PPP3CA: variants seen among roughly 807,000 people sequenced by gnomAD.
PPP3CA encodes the protein protein phosphatase 3 catalytic subunit alpha.
A neutral mutation model predicts 66.5 loss-of-function variants in PPP3CA; 14 were observed. The observed-to-expected ratio is 0.21, with a 90% CI of 0.14 to 0.33. The LOEUF is 0.33. PPP3CA is among the 10% of genes least tolerant of loss of function. The pLI is 1.00. For synonymous variants in PPP3CA, 232 were observed against 226.2 expected (o/e 1.03, Z -0.23); for missense variants, 317 against 639.5 (o/e 0.50, Z 5.44).
chr4:101,250,954 GA>G (rs1560681097), intron 1 of PPP3CA, among the ~76,000 whole-genome samples: 1 of 151,738 alleles, frequency 6.6e-6, no homozygotes, highest in Admixed American at 6.6e-5. Flanking sequence ...ACAAAGGAAA[GA>G]AAAAAAGAAA....
At chr4:101,260,233 C>A (rs967516985) in intron 1 of PPP3CA, among the ~76,000 whole-genome samples, 5 of 152,036 alleles carry the variant, frequency 3.3e-5, no homozygotes, top group African/African-American at 1.2e-4. Flanking sequence ...TAAATCTTAC[C>A]TTAGATTTTC....
intron 11 of PPP3CA, among the ~76,000 whole-genome samples, chr4:101,039,415 C>T (rs1727404241): frequency 6.9e-6 from 1 of 144,850 alleles, no homozygotes; most frequent in South Asian, 2.3e-4. Context: ...AATGAATAAG[C>T]CCTGAAAATG....
intron 2 of PPP3CA, among the ~76,000 whole-genome samples, chr4:101,134,936 G>A (rs565458124): frequency 6.6e-6 from 1 of 152,206 alleles, no homozygotes; most frequent in East Asian, 1.9e-4. Context: ...GGATGAAGCT[G>A]GAAACCATCA....
intron 2 of PPP3CA, among the ~76,000 whole-genome samples, chr4:101,113,765 G>C (rs775765821): frequency 6.6e-5 from 10 of 152,190 alleles, no homozygotes; most frequent in South Asian, 6.2e-4. Context: ...AGGCTTGCCT[G>C]GCTATAATAT....
chr4:101,286,891 A>G (rs554778318), intron 1 of PPP3CA, among the ~76,000 whole-genome samples: 1 of 152,306 alleles, frequency 6.6e-6, no homozygotes, highest in Admixed American at 6.5e-5. Flanking sequence ...GCCTCTCACA[A>G]GAAAGTACAT....
At chr4:101,186,090 A>G (rs865919527) in intron 2 of PPP3CA, among the ~76,000 whole-genome samples, 1 of 152,162 alleles carries the variant, frequency 6.6e-6, no homozygotes, top group African/African-American at 2.4e-5. Context: ...TTTAACTTAC[A>G]ATTTCTTCAT....
chr4:101,025,820 C>CCAAA lies in PPP3CA; in HGVS notation c.*44_*45insTTTG. On this transcript the variant is annotated 3_prime_UTR_variant, in exon 14 of 14. Coordinates refer to ENST00000394854, the MANE Select transcript of PPP3CA (RefSeq NM_000944.5). The stretch of plus-strand genomic sequence containing the variant: ...GCAATCCCCATCATGCCCCGCAGCT[C>CCAAA]AAAAAAAAAAAAAAAAAAAAAAAAA... 2 of 478,992 alleles carry CCAAA rather than the reference C, an allele frequency of 4.2e-6. No homozygotes were observed. The highest frequency in any genetic ancestry group is 5.6e-5 in the South Asian group (2 of 35,478). 29.7% of individuals were successfully genotyped at this position (478,992 alleles called of 1,614,324 possible).
At chr4:101,150,971 C>A (rs1480883161) in intron 2 of PPP3CA, among the ~76,000 whole-genome samples, 1 of 152,064 alleles carries the variant, frequency 6.6e-6, no homozygotes, top group East Asian at 1.9e-4. Flanking sequence ...TACATGTAAT[C>A]CACAAAGGTC....
chr4:101,325,954 C>T (rs1392896095), intron 1 of PPP3CA, among the ~76,000 whole-genome samples: 3 of 152,152 alleles, frequency 2.0e-5, no homozygotes, highest in African/African-American at 7.2e-5. Context: ...GCCTGACCAA[C>T]ATGGCAAAAC....
In PPP3CA at chr4:101,122,938, A is replaced by G. The variant is rs554007826; in HGVS notation, c.260-13860T>C. On this transcript the variant is annotated intron_variant, in intron 2 of 13. Transcript: ENST00000394854. ...CAAGACAATGAGGTCTGGTATTATG[A>G]TGGTGGCAGTGTGAAAAGATAAAAG... Among the ~76,000 whole-genome samples the G allele has an allele frequency of 2.6e-5, 4 of 152,314 alleles. No individual in the cohort carries two copies. The South Asian group carries it at 8.3e-4, about 32-fold the overall frequency.
intron 1 of PPP3CA, among the ~76,000 whole-genome samples, chr4:101,204,791 T>A (rs918842386): frequency 6.6e-6 from 1 of 151,832 alleles, no homozygotes; most frequent in South Asian, 2.1e-4. Context: ...TAGATTAAAC[T>A]TAGAATTATA....
intron 1 of PPP3CA, among the ~76,000 whole-genome samples, chr4:101,316,992 T>A (rs989015883): frequency 1.3e-5 from 2 of 152,158 alleles, no homozygotes; most frequent in South Asian, 4.1e-4. Flanking sequence ...TCATTTCACA[T>A]ACACAGAGTA....
At chr4:101,090,038 TA>T (rs1277891980) in intron 6 of PPP3CA, among the ~76,000 whole-genome samples, 1 of 152,182 alleles carries the variant, frequency 6.6e-6, no homozygotes, top group East Asian at 1.9e-4. Flanking sequence ...TGGATCAAAA[TA>T]CCTGCCAATA....
Position 101,041,347 on chromosome 4 carries a change from A to C in PPP3CA, c.1157-781T>G, listed in dbSNP as rs77256255. On this transcript the variant is annotated intron_variant, in intron 10 of 13. Transcript: ENST00000394854. Reference sequence around the variant, plus strand: ...TTTTAAAATAATGTTTTAAAGTAATACTTCAATGAGCCCATTTTATTTTTT... The same window carrying C: ...TTTTAAAATAATGTTTTAAAGTAATCCTTCAATGAGCCCATTTTATTTTTT... Among the ~76,000 whole-genome samples, 251 of 152,160 alleles carry C rather than the reference A, an allele frequency of 1.6e-3. 3 individuals carry two copies. In the East Asian group the frequency reaches 0.037, roughly 22 times the overall value.
chr4:101,123,480 A>G (rs1405034872), intron 2 of PPP3CA, among the ~76,000 whole-genome samples: 1 of 152,202 alleles, frequency 6.6e-6, no homozygotes, highest in Non-Finnish European at 1.5e-5. Context: ...CAGGAAGTGA[A>G]AGATCTATAA....
At chr4:101,237,591 T>C (rs1236389029) in intron 1 of PPP3CA, among the ~76,000 whole-genome samples, 2 of 149,996 alleles carry the variant, frequency 1.3e-5, no homozygotes, top group Middle Eastern at 3.4e-3. Context: ...TTTCATAATA[T>C]CATGCACTAG....
chr4:101,301,078 G>A (rs1226405029), intron 1 of PPP3CA, among the ~76,000 whole-genome samples: 1 of 151,812 alleles, frequency 6.6e-6, no homozygotes, highest in African/African-American at 2.4e-5. Flanking sequence ...CACCACAAAT[G>A]GAATCATCTC....
chr4:101,062,609 C>T (rs1204901750), intron 9 of PPP3CA, among the ~76,000 whole-genome samples: 1 of 151,848 alleles, frequency 6.6e-6, no homozygotes, highest in East Asian at 1.9e-4. Context: ...TTTAAGTCAA[C>T]ATATGAAAGC....
At chr4:101,155,113 C>A (rs1723276836) in intron 2 of PPP3CA, among the ~76,000 whole-genome samples, 1 of 152,092 alleles carries the variant, frequency 6.6e-6, no homozygotes, top group Non-Finnish European at 1.5e-5. Context: ...ACGCGCCCAG[C>A]CATATAAAAA....
Sources: allele counts gnomAD v4.1 joint callset (sites outside exome capture counted in the v4.1 genomes callset), GRCh38; gene constraint gnomAD v4.1.1; transcripts MANE v1.5; gene names NCBI Gene and HGNC (gene_info 2026-07-23, HGNC 2026-07-21).